PHACTR1: variants seen among roughly 807,000 people sequenced by gnomAD.
The protein encoded by PHACTR1 is phosphatase and actin regulator 1.
PHACTR1 carries 16 observed loss-of-function variants against 69.2 expected under a neutral mutation model. The observed-to-expected ratio is 0.23, with a 90% confidence interval of 0.16 to 0.35. PHACTR1 has a LOEUF of 0.35. PHACTR1 is among the 10% of genes least tolerant of loss of function. The pLI is 1.00. For synonymous variants in PHACTR1, 312 were observed against 284.5 expected, an observed-to-expected ratio of 1.10 and a Z score of -0.97; for missense variants, 510 against 734.7, an observed-to-expected ratio of 0.69 and a Z score of 3.54.
intron 4 of PHACTR1, among the ~76,000 whole-genome samples, chr6:13,014,619 C>T (rs895101321): frequency 7.9e-5 from 12 of 151,868 alleles, no homozygotes; most frequent in Non-Finnish European, 1.6e-4. Context: ...GCCCTAGAGA[C>T]TTGTGGAGTT....
intron 4 of PHACTR1, among the ~76,000 whole-genome samples, chr6:12,823,486 A>C (rs1210364335): frequency 6.6e-6 from 1 of 152,202 alleles, no homozygotes; most frequent in Non-Finnish European, 1.5e-5. Flanking sequence ...ACAAAATTAA[A>C]GGCTAACTGT....
At chr6:12,738,449 T>C (rs929228660) in intron 3 of PHACTR1, among the ~76,000 whole-genome samples, 1 of 152,206 alleles carries the variant, frequency 6.6e-6, no homozygotes, top group African/African-American at 2.4e-5. Flanking sequence ...AATTTTCCCC[T>C]AGAGTTAGCA....
intron 6 of PHACTR1, among the ~76,000 whole-genome samples, chr6:13,167,848 T>C (rs1201256074): frequency 2.6e-5 from 4 of 152,200 alleles, no homozygotes; most frequent in African/African-American, 9.6e-5. Flanking sequence ...TACACAGGGG[T>C]CGCATTTTTC....
At chr6:13,258,889 A>G (rs577129204) in intron 10 of PHACTR1, among the ~76,000 whole-genome samples, 35 of 152,350 alleles carry the variant, frequency 2.3e-4, no homozygotes, top group African/African-American at 8.2e-4. Context: ...AGAGCTTTTT[A>G]AATCATCTGT....
At chr6:13,284,517 C>CAAAAAAAAAAAAA (rs58847683) in intron 13 of PHACTR1, among the ~76,000 whole-genome samples, 1 of 40,022 alleles carries the variant, frequency 2.5e-5, no homozygotes, top group Non-Finnish European at 3.6e-5. Context: ...AACTCCATCT[C>CAAAAAAAAAAAAA]AAAAAAAAAA....
chr6:12,769,086 A>G (rs1237706585), intron 4 of PHACTR1, among the ~76,000 whole-genome samples: 3 of 151,930 alleles, frequency 2.0e-5, no homozygotes, highest in Non-Finnish European at 2.9e-5. Flanking sequence ...AGGATTGTCA[A>G]TGGGGAGGAC....
chr6:12,866,815 A>G (rs1781508836), intron 4 of PHACTR1, among the ~76,000 whole-genome samples: 1 of 152,218 alleles, frequency 6.6e-6, no homozygotes, highest in Non-Finnish European at 1.5e-5. Context: ...CTTGTATGCT[A>G]GGAAACCAAG....
intron 4 of PHACTR1, among the ~76,000 whole-genome samples, chr6:13,017,448 T>G (rs958570985): frequency 2.0e-5 from 3 of 152,134 alleles, no homozygotes; most frequent in Non-Finnish European, 2.9e-5. Flanking sequence ...TTTTCCCTCC[T>G]TACCTACTTG....
intron 4 of PHACTR1, among the ~76,000 whole-genome samples, chr6:12,751,711 C>G (rs76032108): frequency 0.038 from 5,798 of 152,266 alleles, 378 homozygotes; most frequent in African/African-American, 0.13. Context: ...TCAGACAGGA[C>G]TTATCTATGT....
chr6:13,004,287 T>A (rs2127630993), intron 4 of PHACTR1, among the ~76,000 whole-genome samples: 1 of 152,082 alleles, frequency 6.6e-6, no homozygotes, highest in Middle Eastern at 3.4e-3. Flanking sequence ...AATCTGTTAA[T>A]TTTTTTACTT....
chr6:13,216,902 C>T (rs1444797424), intron 8 of PHACTR1, among the ~76,000 whole-genome samples: 1 of 152,092 alleles, frequency 6.6e-6, no homozygotes, highest in Non-Finnish European at 1.5e-5. Flanking sequence ...AAACCATTAA[C>T]ACCTTTTTAA....
intron 4 of PHACTR1, among the ~76,000 whole-genome samples, chr6:12,818,586 T>C (rs1775854055): frequency 6.6e-6 from 1 of 152,234 alleles, no homozygotes; most frequent in Non-Finnish European, 1.5e-5. Context: ...ACTCAGATTC[T>C]ACAGTATGAG....
chr6:12,758,658 A>G (rs1767658956), intron 4 of PHACTR1, among the ~76,000 whole-genome samples: 1 of 152,120 alleles, frequency 6.6e-6, no homozygotes, highest in Non-Finnish European at 1.5e-5. Context: ...AAGAACTGGA[A>G]TTTGGATTCT....
chr6:13,198,728 C>T (rs1020296606), intron 7 of PHACTR1, among the ~76,000 whole-genome samples: 1 of 152,030 alleles, frequency 6.6e-6, no homozygotes, highest in South Asian at 2.1e-4. Flanking sequence ...TGTCCTGGGT[C>T]GCATGCAGGC....
chr6:13,039,860 G>A (rs1356532809), intron 4 of PHACTR1, among the ~76,000 whole-genome samples: 1 of 152,162 alleles, frequency 6.6e-6, no homozygotes, highest in African/African-American at 2.4e-5. Context: ...TAAATCTGGG[G>A]TAGTCAGGAA....
intron 4 of PHACTR1, among the ~76,000 whole-genome samples, chr6:13,002,218 G>A (rs1480567725): frequency 1.3e-5 from 2 of 152,098 alleles, no homozygotes; most frequent in Non-Finnish European, 2.9e-5. Flanking sequence ...TCAGGTAAAG[G>A]CAAAAATGCC....
At position 13,227,690 on chromosome 6, in the gene PHACTR1, ACTTTACTTGCCCAGTAGACCCTTTGTCT is replaced by A. The variant is rs1770013654; in HGVS notation, c.987-122_987-95del. On this transcript the variant is annotated intron_variant, in intron 8 of 14. Coordinates refer to ENST00000332995, the MANE Select transcript of PHACTR1 (RefSeq NM_030948.6). Reference sequence around the variant, plus strand: ...GATTCCCTGTAAGATGAGCAATGGAACTTTACTTGCCCAGTAGACCCTTTGTCTCTTAGGACTGGGCAACTGAGTTTTA... The same window carrying A: ...GATTCCCTGTAAGATGAGCAATGGAACTTAGGACTGGGCAACTGAGTTTTA... The A allele has an allele frequency of 3.2e-6, 4 of 1,269,560 alleles. No individual in the cohort carries two copies. The South Asian group carries it at 5.8e-5, about 18-fold the overall frequency. 78.6% of individuals were successfully genotyped at this position (1,269,560 alleles called of 1,614,324 possible).
At chr6:13,280,790 G>A (rs928457163) in intron 12 of PHACTR1, 20 of 392,406 alleles carry the variant, frequency 5.1e-5, no homozygotes, top group South Asian at 1.0e-4. Flanking sequence ...AGGCCGAGGC[G>A]GGCCTGACTT....
At chr6:12,984,746 T>G (rs941039521) in intron 4 of PHACTR1, among the ~76,000 whole-genome samples, 4 of 150,434 alleles carry the variant, frequency 2.7e-5, no homozygotes, top group Admixed American at 1.3e-4. Flanking sequence ...TGGGTCCTGT[T>G]GTCTACACCT....
Sources: allele counts gnomAD v4.1 joint callset (sites outside exome capture counted in the v4.1 genomes callset), GRCh38; gene constraint gnomAD v4.1.1; transcripts MANE v1.5; gene names NCBI Gene and HGNC (gene_info 2026-07-23, HGNC 2026-07-21).